Variants in ELMO1 observed in about 807,000 individuals in gnomAD.
ELMO1 encodes engulfment and cell motility 1.
ELMO1 carries 26 observed loss-of-function variants against 98.9 expected under a neutral mutation model. That is an observed-to-expected ratio of 0.26 (90% CI 0.19 to 0.36). ELMO1 has a LOEUF of 0.36. Ranked by LOEUF, ELMO1 falls within the 10% of genes least tolerant of loss-of-function variation. The pLI, the probability that ELMO1 is intolerant of heterozygous loss-of-function variation, is 1.00. For synonymous variants in ELMO1, 346 were observed against 346.0 expected, an observed-to-expected ratio of 1.00 and a Z score of 0.00; for missense variants, 627 against 935.2, an observed-to-expected ratio of 0.67 and a Z score of 4.30.
At chr7:37,126,789 G>A (rs1180422782) in intron 14 of ELMO1, among the ~76,000 whole-genome samples, 2 of 152,192 alleles carry the variant, frequency 1.3e-5, no homozygotes, top group African/African-American at 4.8e-5. Context: ...CACGTGGTAG[G>A]TGTTTGATAA....
rs993595182 is a variant in ELMO1, at chr7:37,342,422, T to C, written c.78+191A>G. 1.3e-5 allele frequency among the ~76,000 whole-genome samples: 2 copies of C among 152,190 alleles called. No homozygotes were observed. The highest frequency in any genetic ancestry group is 4.8e-5 in the African/African-American group (2 of 41,436). The stretch of plus-strand genomic sequence containing the variant: ...GTATTGACACAATCCAAGTGGATGC[T>C]GGAAGAGTATAAAAACCCCATCCAT... On this transcript the variant is annotated intron_variant, in intron 2 of 21. Transcript: ENST00000310758. The surrounding 1 kb of genome is among the most constrained non-coding windows in gnomAD (Gnocchi z 4.3).
chr7:37,384,525 C>A (rs1350643566), intron 1 of ELMO1, among the ~76,000 whole-genome samples: 1 of 152,060 alleles, frequency 6.6e-6, no homozygotes, highest in Non-Finnish European at 1.5e-5. Context: ...TCAAGACCAT[C>A]CTGGCTAACA....
chr7:37,146,000 G>C, intron 13 of ELMO1, among the ~76,000 whole-genome samples: 1 of 152,066 alleles, frequency 6.6e-6, no homozygotes, highest in East Asian at 1.9e-4. Flanking sequence ...AAGCTCCTGA[G>C]AACAGCAGTT....
At chr7:37,384,651 C>T (rs1290413962) in intron 1 of ELMO1, among the ~76,000 whole-genome samples, 4 of 151,128 alleles carry the variant, frequency 2.6e-5, no homozygotes, top group African/African-American at 7.3e-5. Context: ...ACCCGGGAGG[C>T]GGAGCTTGCA....
At chr7:37,371,587 A>G (rs1459712953) in intron 1 of ELMO1, among the ~76,000 whole-genome samples, 1 of 152,220 alleles carries the variant, frequency 6.6e-6, no homozygotes, top group East Asian at 1.9e-4. Context: ...ATATATTTCA[A>G]TTGGCTATGT....
At chr7:37,060,306 A>T (rs12539823) in intron 15 of ELMO1, among the ~76,000 whole-genome samples, 17,027 of 152,110 alleles carry the variant, frequency 0.11, 1,093 homozygotes, top group Middle Eastern at 0.2. Context: ...AAACATATAC[A>T]CCATGGAATA....
intron 16 of ELMO1, among the ~76,000 whole-genome samples, chr7:36,975,236 A>G (rs572163683): frequency 6.6e-6 from 1 of 151,758 alleles, no homozygotes; most frequent in Non-Finnish European, 1.5e-5. Flanking sequence ...TTGGGAGGCC[A>G]AGGTAGGCAG....
intron 1 of ELMO1, among the ~76,000 whole-genome samples, chr7:37,420,597 G>C (rs1452941020): frequency 6.6e-6 from 1 of 152,204 alleles, no homozygotes; most frequent in Non-Finnish European, 1.5e-5. Context: ...GCTGGGATTA[G>C]GTTTTGGCTA....
intron 2 of ELMO1, among the ~76,000 whole-genome samples, chr7:37,333,792 ACGG>A: frequency 6.6e-6 from 1 of 152,320 alleles, no homozygotes; most frequent in Non-Finnish European, 1.5e-5. Flanking sequence ...ACCTATTATG[ACGG>A]TATGAAAGCA....
intron 10 of ELMO1, among the ~76,000 whole-genome samples, chr7:37,218,517 C>T (rs532357134): frequency 1.3e-5 from 2 of 152,132 alleles, no homozygotes; most frequent in South Asian, 2.1e-4. Flanking sequence ...TCCATGCCTC[C>T]ATTTTTTGGT....
intron 16 of ELMO1, among the ~76,000 whole-genome samples, chr7:36,954,640 A>C (rs1362076650): frequency 6.6e-6 from 1 of 152,214 alleles, no homozygotes; most frequent in African/African-American, 2.4e-5. Flanking sequence ...TCAGAAGCCT[A>C]GCAAAGGGTG....
intron 4 of ELMO1, among the ~76,000 whole-genome samples, chr7:37,276,600 G>A (rs1297248681): frequency 6.6e-6 from 1 of 152,208 alleles, no homozygotes; most frequent in Admixed American, 6.5e-5. Flanking sequence ...GACGGAGCGA[G>A]ACTCCGTCTC....
intron 14 of ELMO1, among the ~76,000 whole-genome samples, chr7:37,109,164 C>T (rs1009992471): frequency 1.3e-5 from 2 of 152,108 alleles, no homozygotes; most frequent in Non-Finnish European, 2.9e-5. Flanking sequence ...GAAGCATGTG[C>T]CTGGTGTGCC....
chr7:36,973,864 T>C (rs1484401137), intron 16 of ELMO1, among the ~76,000 whole-genome samples: 1 of 152,174 alleles, frequency 6.6e-6, no homozygotes, highest in Admixed American at 6.5e-5. Context: ...TGCCGAGCAA[T>C]GAGGGGCTTA....
chr7:37,149,852 C>A (rs1024518663), intron 13 of ELMO1, among the ~76,000 whole-genome samples: 3 of 152,152 alleles, frequency 2.0e-5, no homozygotes, highest in African/African-American at 7.2e-5. Flanking sequence ...GCTCCCTGAA[C>A]AACACAGTGG....
intron 4 of ELMO1, among the ~76,000 whole-genome samples, chr7:37,274,207 T>C (rs1796711951): frequency 1.3e-5 from 2 of 152,218 alleles, no homozygotes; most frequent in Non-Finnish European, 2.9e-5. Context: ...TTTTCAACTC[T>C]AAAATTCTAT....
At chr7:37,020,602 C>G (rs889005013) in intron 15 of ELMO1, among the ~76,000 whole-genome samples, 1 of 152,132 alleles carries the variant, frequency 6.6e-6, no homozygotes, top group South Asian at 2.1e-4. Context: ...TTTCTAAAGA[C>G]AAATACACAT....
intron 1 of ELMO1, among the ~76,000 whole-genome samples, chr7:37,421,674 C>T (rs1239818985): frequency 6.6e-6 from 1 of 152,130 alleles, no homozygotes; most frequent in Non-Finnish European, 1.5e-5. Flanking sequence ...GAATATGCAG[C>T]ACATGGATGA....
At chr7:37,428,214 T>C (rs1804789764) in intron 1 of ELMO1, among the ~76,000 whole-genome samples, 1 of 151,926 alleles carries the variant, frequency 6.6e-6, no homozygotes, top group Non-Finnish European at 1.5e-5. Flanking sequence ...AAACAGTTCA[T>C]AAAAAATAAA....
Sources: allele counts gnomAD v4.1 joint callset (sites outside exome capture counted in the v4.1 genomes callset), GRCh38; gene constraint gnomAD v4.1.1; non-coding constraint Gnocchi (gnomAD v3.1); transcripts MANE v1.5; gene names NCBI Gene and HGNC (gene_info 2026-07-23, HGNC 2026-07-21).